ZFHX3: variants seen among roughly 807,000 people sequenced by gnomAD.
ZFHX3 encodes zinc finger homeobox 3.
A neutral mutation model predicts 279.1 loss-of-function variants in ZFHX3; 42 were observed. The ratio of observed to expected loss-of-function variants is 0.15; its 90% CI spans 0.12 to 0.19. The LOEUF is 0.19. ZFHX3 is among the 10% of genes least tolerant of loss of function. The pLI is 1.00. For missense variants in ZFHX3, 4,981 were observed against 4,754.0 expected, an observed-to-expected ratio of 1.05 and a Z score of -1.40; for synonymous variants, 2,293 against 1,957.8, an observed-to-expected ratio of 1.17 and a Z score of -4.52.
intron 3 of ZFHX3, among the ~76,000 whole-genome samples, chr16:73,387,464 A>C (rs1016776528): frequency 1.3e-5 from 2 of 152,160 alleles, no homozygotes; most frequent in East Asian, 1.9e-4. Context: ...GAGAAGAAAA[A>C]GCCATTCAGT....
intron 1 of ZFHX3, among the ~76,000 whole-genome samples, chr16:73,867,337 A>G (rs548947555): frequency 6.6e-6 from 1 of 152,202 alleles, no homozygotes; most frequent in African/African-American, 2.4e-5. Flanking sequence ...GGGTACAGCC[A>G]GATCCTGAGC....
chr16:73,177,438 G>C (rs1428158767), intron 5 of ZFHX3, among the ~76,000 whole-genome samples: 2 of 152,158 alleles, frequency 1.3e-5, no homozygotes, highest in East Asian at 3.8e-4. Context: ...TCGTCATAAT[G>C]GCACCTTACA....
intron 2 of ZFHX3, among the ~76,000 whole-genome samples, chr16:73,646,914 C>T (rs1031927516): frequency 1.3e-5 from 2 of 152,032 alleles, no homozygotes; most frequent in South Asian, 4.1e-4. Context: ...AAACTGGAAC[C>T]CTTTGGAGAG....
intron 4 of ZFHX3, among the ~76,000 whole-genome samples, chr16:73,307,803 T>C (rs932160101): frequency 5.3e-5 from 8 of 152,022 alleles, no homozygotes; most frequent in African/African-American, 1.2e-4. Flanking sequence ...GTTTGAAAAA[T>C]TGGGGGAAGG....
At chr16:72,804,683 C>G (rs1051664107) in intron 7 of ZFHX3, among the ~76,000 whole-genome samples, 1 of 152,080 alleles carries the variant, frequency 6.6e-6, no homozygotes, top group Non-Finnish European at 1.5e-5. Context: ...GTCTGAGATA[C>G]GGGACTAGTC....
At chr16:73,240,571 C>T (rs1349899421) in intron 5 of ZFHX3, among the ~76,000 whole-genome samples, 1 of 152,076 alleles carries the variant, frequency 6.6e-6, no homozygotes, top group Non-Finnish European at 1.5e-5. Flanking sequence ...AAAATGTCAA[C>T]AACATGGCAT....
chr16:73,234,152 G>A (rs769010377), intron 5 of ZFHX3, among the ~76,000 whole-genome samples: 2 of 152,132 alleles, frequency 1.3e-5, no homozygotes, highest in African/African-American at 2.4e-5. Flanking sequence ...GTCAGAACAG[G>A]CGGAATGTTT....
intron 4 of ZFHX3, among the ~76,000 whole-genome samples, chr16:72,835,183 G>A (rs2037159778): frequency 6.6e-6 from 1 of 152,188 alleles, no homozygotes; most frequent in Admixed American, 6.5e-5. Context: ...GAAATAAAGT[G>A]CGTTTGCCTG....
chr16:73,297,494 T>C (rs2014944335), intron 4 of ZFHX3, among the ~76,000 whole-genome samples: 1 of 152,030 alleles, frequency 6.6e-6, no homozygotes, highest in South Asian at 2.1e-4. Context: ...ATTTTTAGTC[T>C]TATTTATAAT....
chr16:73,000,704 G>T lies in ZFHX3; in HGVS notation c.-49-40510C>A, dbSNP rs760480049. The stretch of plus-strand genomic sequence containing the variant: ...AACACCCATTTCCCTCTCAAATTAC[G>T]CTAGACATGCCACACCCAGCAGACA... On this transcript the variant is annotated intron_variant, in intron 1 of 9. Transcript: ENST00000268489. Among the ~76,000 whole-genome samples the T allele has an allele frequency of 5.9e-5, 9 of 152,200 alleles. No homozygotes were observed. The South Asian group carries it at 1.2e-3, about 21-fold the overall frequency.
chr16:73,066,142 G>A (rs1965749296), intron 8 of ZFHX3, among the ~76,000 whole-genome samples: 1 of 152,238 alleles, frequency 6.6e-6, no homozygotes, highest in African/African-American at 2.4e-5. Context: ...TGGACTCGGG[G>A]CGCGCCCTCT....
At chr16:72,999,616 G>A (rs1339064168) in intron 1 of ZFHX3, among the ~76,000 whole-genome samples, 4 of 152,176 alleles carry the variant, frequency 2.6e-5, no homozygotes, top group African/African-American at 9.7e-5. Flanking sequence ...GATCTGGGCA[G>A]GATTGGCTCA....
chr16:72,901,000 A>G (rs937646851), intron 3 of ZFHX3, among the ~76,000 whole-genome samples: 7 of 152,214 alleles, frequency 4.6e-5, no homozygotes, highest in African/African-American at 1.7e-4. Context: ...CAATGCCTGC[A>G]CACAAGAATT....
chr16:73,840,547 T>C (rs1961275745), intron 1 of ZFHX3, among the ~76,000 whole-genome samples: 1 of 152,220 alleles, frequency 6.6e-6, no homozygotes, highest in African/African-American at 2.4e-5. Context: ...AACCTTCTAG[T>C]ACCATGGTCT....
At chr16:73,275,104 C>T (rs774292356) in intron 4 of ZFHX3, among the ~76,000 whole-genome samples, 4 of 152,146 alleles carry the variant, frequency 2.6e-5, no homozygotes, top group East Asian at 1.9e-4. Context: ...TGCAGTAGCC[C>T]GATTCCAGGT....
intron 2 of ZFHX3, among the ~76,000 whole-genome samples, chr16:73,495,728 G>C (rs2019130060): frequency 6.6e-6 from 1 of 152,114 alleles, no homozygotes; most frequent in African/African-American, 2.4e-5. Flanking sequence ...CAAATCTTAG[G>C]ACCTTGACAA....
chr16:73,362,211 G>A lies in ZFHX3; in HGVS notation c.-1290-43875C>T, dbSNP rs73590913. Reference sequence around the variant, plus strand: ...AAGGAATATTTGTATCTGGGGAGAGGAATTAGGAGAAACTCAGGTCTCTGA... The same window carrying A: ...AAGGAATATTTGTATCTGGGGAGAGAAATTAGGAGAAACTCAGGTCTCTGA... On this transcript the variant is annotated intron_variant, in intron 3 of 17. Transcript: ENST00000641206. Among the ~76,000 whole-genome samples the A allele has an allele frequency of 9.0e-3, 1,373 of 152,302 alleles. 10 individuals carry two copies. The highest frequency in any genetic ancestry group is 0.032 in the African/African-American group (1,312 of 41,560).
intron 1 of ZFHX3, among the ~76,000 whole-genome samples, chr16:73,733,831 C>G (rs1197056524): frequency 6.6e-6 from 1 of 152,052 alleles, no homozygotes; most frequent in African/African-American, 2.4e-5. Context: ...AAAATACATC[C>G]CCCAAAAAGC....
rs151059248 is a variant in ZFHX3 at position 73,624,562 on chromosome 16, T to C, written c.-1547+55618A>G. The stretch of plus-strand genomic sequence containing the variant: ...TATGAATTAATATCAAAGTCAAAAT[T>C]ATAGAATGTCCATCATTTTTTCTAT... On this transcript the variant is annotated intron_variant, in intron 2 of 17. Transcript: ENST00000641206. Among the ~76,000 whole-genome samples, 198 of 151,642 alleles carry C rather than the reference T, an allele frequency of 1.3e-3. 2 individuals carry two copies. The highest frequency in any genetic ancestry group is 4.6e-3 in the African/African-American group (189 of 41,314).
Sources: allele counts gnomAD v4.1 joint callset (sites outside exome capture counted in the v4.1 genomes callset), GRCh38; gene constraint gnomAD v4.1.1; transcripts MANE v1.5; gene names NCBI Gene and HGNC (gene_info 2026-07-23, HGNC 2026-07-21).